The following LDB2 variants were observed in gnomAD, a reference collection of about 807,000 sequenced individuals.
LDB2 encodes the protein LIM domain binding 2, also known as LIM domain-binding protein 2.
In LDB2, 12 loss-of-function variants were observed where a neutral mutation model predicts 44.3. The observed-to-expected ratio is 0.27, with a 90% CI of 0.17 to 0.44. The LOEUF (loss-of-function observed/expected upper bound fraction) is 0.44, where lower values mean the gene tolerates loss of function less well. Among genes scored for constraint, LDB2 ranks in the 20% least tolerant of loss-of-function variants. The pLI is 1.00. For synonymous variants in LDB2, 164 were observed against 174.8 expected, an observed-to-expected ratio of 0.94 and a Z score of 0.49; for missense variants, 344 against 473.5, an observed-to-expected ratio of 0.73 and a Z score of 2.54.
intron 2 of LDB2, among the ~76,000 whole-genome samples, chr4:16,634,296 C>CAAAAAAAAA: frequency 9.5e-6 from 1 of 105,476 alleles, no homozygotes; most frequent in South Asian, 3.3e-4. Context: ...TTTGCACGGC[C>CAAAAAAAAA]AAAAAAAAAA....
chr4:16,550,972 A>G (rs758672605), intron 5 of LDB2, among the ~76,000 whole-genome samples: 2 of 152,258 alleles, frequency 1.3e-5, no homozygotes, highest in African/African-American at 4.8e-5. Context: ...CCTTAAAATC[A>G]TACTGCTGAA....
intron 2 of LDB2, among the ~76,000 whole-genome samples, chr4:16,617,381 C>T (rs1727634988): frequency 6.6e-6 from 1 of 152,106 alleles, no homozygotes; most frequent in Non-Finnish European, 1.5e-5. Context: ...GAGATAAACT[C>T]GAGGCAGACA....
chr4:16,592,947 CTTG>C (rs1255000406), intron 3 of LDB2, among the ~76,000 whole-genome samples: 1 of 152,026 alleles, frequency 6.6e-6, no homozygotes, highest in East Asian at 1.9e-4. Flanking sequence ...ATTATTAAAC[CTTG>C]TTTTCTATTT....
chr4:16,536,941 T>C (rs1449850769), intron 5 of LDB2, among the ~76,000 whole-genome samples: 2 of 152,234 alleles, frequency 1.3e-5, no homozygotes, highest in African/African-American at 2.4e-5. Flanking sequence ...GTAAATGAAG[T>C]GCTGGGCCCA....
intron 1 of LDB2, among the ~76,000 whole-genome samples, chr4:16,879,837 C>T (rs559649511): frequency 2.6e-5 from 4 of 152,126 alleles, no homozygotes; most frequent in Admixed American, 2.0e-4. Flanking sequence ...ACCCTAGAAA[C>T]AGGAAGCCAA....
At chr4:16,598,360 A>G (rs1302925616) in intron 2 of LDB2, among the ~76,000 whole-genome samples, 2 of 152,100 alleles carry the variant, frequency 1.3e-5, no homozygotes, top group African/African-American at 4.8e-5. Context: ...AGGTCATGTG[A>G]AGGAGAACTG....
At chr4:16,672,885 CTTT>C (rs34411088) in intron 2 of LDB2, among the ~76,000 whole-genome samples, 1 of 146,344 alleles carries the variant, frequency 6.8e-6, no homozygotes, top group Non-Finnish European at 1.5e-5. Context: ...TCCTTCCTTC[CTTT>C]TTTTTCCTTC....
intron 5 of LDB2, among the ~76,000 whole-genome samples, chr4:16,527,023 TAAACAA>T: frequency 6.6e-6 from 1 of 152,362 alleles, no homozygotes; most frequent in East Asian, 1.9e-4. Context: ...TTTCAGATAA[TAAACAA>T]TAACTTATTA....
intron 2 of LDB2, among the ~76,000 whole-genome samples, chr4:16,645,681 G>C (rs1490868284): frequency 6.6e-6 from 1 of 152,134 alleles, no homozygotes; most frequent in Non-Finnish European, 1.5e-5. Context: ...GGTTAAGATA[G>C]GTATATTCAG....
intron 2 of LDB2, among the ~76,000 whole-genome samples, chr4:16,671,974 C>T (rs79151476): frequency 0.16 from 24,065 of 152,130 alleles, 1,966 homozygotes; most frequent in African/African-American, 0.19. Context: ...TCCACTGGGA[C>T]GCAATTTCCA....
intron 1 of LDB2, among the ~76,000 whole-genome samples, chr4:16,876,325 T>C (rs1202666104): frequency 6.6e-6 from 1 of 152,222 alleles, no homozygotes; most frequent in Non-Finnish European, 1.5e-5. Context: ...ACCTCTGCTC[T>C]AACGCTGCCT....
intron 2 of LDB2, among the ~76,000 whole-genome samples, chr4:16,610,472 G>T (rs897170303): frequency 9.2e-5 from 14 of 152,098 alleles, no homozygotes; most frequent in African/African-American, 3.4e-4. Flanking sequence ...TTTGATAAAA[G>T]GTTAGAGGAA....
chr4:16,709,212 GATA>G (rs1317580862), intron 2 of LDB2, among the ~76,000 whole-genome samples: 1 of 152,150 alleles, frequency 6.6e-6, no homozygotes, highest in Non-Finnish European at 1.5e-5. Flanking sequence ...GCAGTTTTAA[GATA>G]ATGATATATT....
chr4:16,633,971 C>T (rs572925616), intron 2 of LDB2, among the ~76,000 whole-genome samples: 17 of 152,258 alleles, frequency 1.1e-4, no homozygotes, highest in African/African-American at 4.1e-4. Flanking sequence ...CATCTACCAC[C>T]ATCTGATCTT....
chr4:16,744,484 T>C (rs1763984100), intron 2 of LDB2, among the ~76,000 whole-genome samples: 1 of 148,742 alleles, frequency 6.7e-6, no homozygotes, highest in South Asian at 2.2e-4. Flanking sequence ...TTTGCTTGTT[T>C]TTTGTTTTGA....
intron 1 of LDB2, among the ~76,000 whole-genome samples, chr4:16,841,292 AC>A (rs2110109595): frequency 6.6e-6 from 1 of 152,360 alleles, no homozygotes; most frequent in African/African-American, 2.4e-5. Context: ...CTATTTTAGC[AC>A]ATAGAAAATG....
intron 2 of LDB2, among the ~76,000 whole-genome samples, chr4:16,724,031 C>T (rs984284140): frequency 2.0e-5 from 3 of 152,146 alleles, no homozygotes; most frequent in African/African-American, 7.2e-5. Context: ...TCACTGCCTA[C>T]AGCAGTGCCT....
chr4:16,697,636 GC>G (rs1184520491), intron 2 of LDB2, among the ~76,000 whole-genome samples: 1 of 151,988 alleles, frequency 6.6e-6, no homozygotes, highest in Non-Finnish European at 1.5e-5. Context: ...CTTTGCTCTT[GC>G]CTTCTCTTTG....
At position 16,502,477 on chromosome 4, in the gene LDB2, A is replaced by G. The variant is rs1420053772; in HGVS notation, c.*166T>C. ...AAGCTTACTGGGAATAATCCTCTCA[A>G]TTAGAAAAAAAGAAAGAAGAAAGAA... On this transcript the variant is annotated 3_prime_UTR_variant, in exon 8 of 8. Transcript: ENST00000304523. 2 of 1,020,042 alleles carry G rather than the reference A, an allele frequency of 2.0e-6. No individual in the cohort carries two copies. Among genetic ancestry groups the G allele is most frequent in the Non-Finnish European group, 2.9e-6 (2 of 699,638 alleles). 63.2% of individuals were successfully genotyped at this position (1,020,042 alleles called of 1,614,324 possible).
Sources: allele counts gnomAD v4.1 joint callset (sites outside exome capture counted in the v4.1 genomes callset), GRCh38; gene constraint gnomAD v4.1.1; transcripts MANE v1.5; gene names NCBI Gene and HGNC (gene_info 2026-07-23, HGNC 2026-07-21).